Variants in NCKAP5 observed in about 807,000 individuals in gnomAD.
NCKAP5 encodes the protein nck-associated protein 5.
In NCKAP5, 92 loss-of-function variants were observed where a neutral mutation model predicts 167.0. That is an observed-to-expected ratio of 0.55 (90% confidence interval 0.47 to 0.66). NCKAP5 has a LOEUF of 0.66. Among genes scored for constraint, NCKAP5 ranks in the 30% least tolerant of loss-of-function variants. The pLI is 0.00. For synonymous variants in NCKAP5, 891 were observed against 877.4 expected, an observed-to-expected ratio of 1.02 and a Z score of -0.27; for missense variants, 2,378 against 2,315.0, an observed-to-expected ratio of 1.03 and a Z score of -0.56.
the NCKAP5 span, among the ~76,000 whole-genome samples, chr2:133,624,048 A>G: frequency 6.6e-6 from 1 of 152,126 alleles, no homozygotes; most frequent in African/African-American, 2.4e-5. Context: ...ACCAAACAGC[A>G]TAGGTTCTCA....
chr2:133,265,447 G>C (rs944648124), intron 4 of NCKAP5, among the ~76,000 whole-genome samples: 1 of 152,148 alleles, frequency 6.6e-6, no homozygotes, highest in Non-Finnish European at 1.5e-5. Flanking sequence ...CCACCCGGGA[G>C]GTCCCTAGGA....
At chr2:133,625,633 G>A in the NCKAP5 span, among the ~76,000 whole-genome samples, 2 of 152,124 alleles carry the variant, frequency 1.3e-5, no homozygotes, top group Non-Finnish European at 2.9e-5. Flanking sequence ...CACTTTGGGA[G>A]GCCGAGACGG....
chr2:132,721,174 G>A lies in NCKAP5; in HGVS notation c.5713+4453C>T, dbSNP rs555971202. ...AATACAAAAATTAGCCAGACGTGGC[G>A]GTGGGTGCCTGTAATCCCAGCTACT... On this transcript the variant is annotated intron_variant, in intron 19 of 19. Coordinates refer to ENST00000409261, the MANE Select transcript of NCKAP5 (RefSeq NM_207363.3). 2.8e-3 allele frequency among the ~76,000 whole-genome samples: 420 copies of A among 152,116 alleles called. 1 individual carries two copies. The highest frequency in any genetic ancestry group is 9.7e-3 in the African/African-American group (403 of 41,498).
In NCKAP5 at chr2:132,783,647, C is replaced by T; in HGVS notation, c.3164G>A (p.Gly1055Glu). 2 of 1,613,838 alleles carry T rather than the reference C, an allele frequency of 1.2e-6. No individual in the cohort carries two copies. Among genetic ancestry groups the T allele is most frequent in the Non-Finnish European group, 1.7e-6 (2 of 1,179,872 alleles). Residue 1055 changes from glycine (G) to glutamate (E), a missense_variant, in exon 14 of 20, where the codon GGG becomes GAG. Coordinates refer to ENST00000409261, the MANE Select transcript of NCKAP5 (RefSeq NM_207363.3). ...VPKTSPRQTL[G>E]TPQRDIGLQT... ...TAATCCTATGTCCCTTTGTGGGGTC[C>T]CAAGTGTTTGGCGAGGAGAGGTTTT...
At chr2:133,385,544 G>T (rs1654890775) in intron 3 of NCKAP5, among the ~76,000 whole-genome samples, 1 of 152,152 alleles carries the variant, frequency 6.6e-6, no homozygotes, top group African/African-American at 2.4e-5. Flanking sequence ...CTGGGTATCA[G>T]GATGATGCTG....
intron 4 of NCKAP5, among the ~76,000 whole-genome samples, chr2:133,225,953 T>C (rs2086868248): frequency 6.6e-6 from 1 of 151,610 alleles, no homozygotes; most frequent in Non-Finnish European, 1.5e-5. Flanking sequence ...CAGCTATTTT[T>C]CTGTATTTTT....
intron 9 of NCKAP5, among the ~76,000 whole-genome samples, chr2:132,876,834 T>G (rs1691320426): frequency 6.6e-6 from 1 of 152,188 alleles, no homozygotes; most frequent in African/African-American, 2.4e-5. Context: ...TCCCACACAT[T>G]CTGATGAAAC....
At chr2:133,673,889 C>T in the NCKAP5 span, among the ~76,000 whole-genome samples, 3 of 152,172 alleles carry the variant, frequency 2.0e-5, no homozygotes, top group African/African-American at 4.8e-5. Context: ...CCGTGACAAG[C>T]TAAGATAGGG....
chr2:133,617,045 C>A, the NCKAP5 span, among the ~76,000 whole-genome samples: 1 of 152,120 alleles, frequency 6.6e-6, no homozygotes, highest in Non-Finnish European at 1.5e-5. Context: ...GAACCAAAGA[C>A]AAAAACCACA....
the NCKAP5 span, among the ~76,000 whole-genome samples, chr2:133,622,513 C>T: frequency 6.6e-6 from 1 of 151,974 alleles, no homozygotes; most frequent in African/African-American, 2.4e-5. Flanking sequence ...AGAATCAAAT[C>T]AAGAACTCAA....
At chr2:133,527,167 C>G (rs1036335674) in intron 2 of NCKAP5, 3 of 151,908 alleles carry the variant, frequency 2.0e-5, no homozygotes, top group Non-Finnish European at 2.9e-5. Context: ...AGAATATGCT[C>G]TAAACTCTGC....
chr2:133,312,482 G>T (rs994139657), intron 3 of NCKAP5, among the ~76,000 whole-genome samples: 1 of 152,168 alleles, frequency 6.6e-6, no homozygotes, highest in Non-Finnish European at 1.5e-5. Context: ...GGGTGAACAC[G>T]TGCCTGAGTT....
At chr2:133,274,413 G>C (rs1383014092) in intron 4 of NCKAP5, among the ~76,000 whole-genome samples, 1 of 151,990 alleles carries the variant, frequency 6.6e-6, no homozygotes, top group African/African-American at 2.4e-5. Flanking sequence ...ATATAAAAGT[G>C]ATGGATTGGA....
At chr2:132,873,912 A>G (rs530305376) in intron 9 of NCKAP5, among the ~76,000 whole-genome samples, 4 of 152,260 alleles carry the variant, frequency 2.6e-5, no homozygotes, top group Admixed American at 2.6e-4. Flanking sequence ...AATATGCATT[A>G]GGCACCTAGT....
chr2:132,985,877 A>T (rs2077273262), intron 7 of NCKAP5, among the ~76,000 whole-genome samples: 2 of 152,242 alleles, frequency 1.3e-5, no homozygotes, highest in African/African-American at 4.8e-5. Flanking sequence ...CATAAATAAA[A>T]GCTCTCAATA....
chr2:133,389,215 T>C (rs1389687213), intron 3 of NCKAP5, among the ~76,000 whole-genome samples: 1 of 152,256 alleles, frequency 6.6e-6, no homozygotes, highest in Non-Finnish European at 1.5e-5. Context: ...GGAAAGTTGC[T>C]TGTTGGCTAT....
intron 7 of NCKAP5, among the ~76,000 whole-genome samples, chr2:132,988,185 A>G (rs2077345005): frequency 6.6e-6 from 1 of 152,144 alleles, no homozygotes; most frequent in African/African-American, 2.4e-5. Context: ...GGTTTAGCAC[A>G]TGTTTCAATC....
intron 6 of NCKAP5, among the ~76,000 whole-genome samples, chr2:133,062,556 T>C (rs1346988894): frequency 6.6e-6 from 1 of 152,204 alleles, no homozygotes; most frequent in Non-Finnish European, 1.5e-5. Flanking sequence ...TACTCAATAG[T>C]TGTGAGAACA....
intron 4 of NCKAP5, among the ~76,000 whole-genome samples, chr2:133,223,732 A>G (rs1373497261): frequency 1.3e-5 from 2 of 152,218 alleles, no homozygotes; most frequent in Non-Finnish European, 2.9e-5. Flanking sequence ...CATAAAGCAT[A>G]AAAGTCGGTA....
Sources: allele counts gnomAD v4.1 joint callset (sites outside exome capture counted in the v4.1 genomes callset), GRCh38; gene constraint gnomAD v4.1.1; transcripts MANE v1.5; gene names NCBI Gene and HGNC (gene_info 2026-07-23, HGNC 2026-07-21).